Variants in BICRAL observed in about 807,000 individuals in gnomAD.
BICRAL encodes BRD4-interacting chromatin-remodeling complex-associated protein-like.
A neutral mutation model predicts 91.8 loss-of-function variants in BICRAL; 8 were observed. That is an observed-to-expected ratio of 0.09 (90% CI 0.05 to 0.16). The LOEUF is 0.16. Ranked by LOEUF, BICRAL falls within the 10% of genes least tolerant of loss-of-function variation. BICRAL has a pLI of 1.00. For missense variants in BICRAL, 1,038 were observed against 1,310.9 expected (o/e 0.79, Z 3.21); for synonymous variants, 445 against 491.1 (o/e 0.91, Z 1.24).
intron 1 of BICRAL, among the ~76,000 whole-genome samples, chr6:42,786,533 GA>G: frequency 6.6e-6 from 1 of 152,274 alleles, no homozygotes; most frequent in Admixed American, 6.5e-5. Context: ...AACCTTGTTG[GA>G]ATTTTAAGAC....
chr6:42,828,759 T>C lies in BICRAL; in HGVS notation c.426T>C (p.His142=). 1 of 1,614,222 alleles carries C rather than the reference T, an allele frequency of 6.2e-7. No homozygotes were observed. Among genetic ancestry groups the C allele is most frequent in the South Asian group, 1.1e-5 (1 of 91,092 alleles). The change falls in exon 6 of 13, where the codon CAT becomes CAC. Residue 142 remains histidine, a synonymous_variant. Coordinates refer to ENST00000314073, the MANE Select transcript of BICRAL (RefSeq NM_001393499.1). ...AACAGTTTGCACAAGCTCAGCTTCA[T>C]CCTTCTTCATCAGCATCCTTTACTC... ...SSQQFAQAQL[H]PSSSASFTQA...
intron 2 of BICRAL, among the ~76,000 whole-genome samples, chr6:42,820,756 C>T (rs41274878): frequency 0.011 from 1,633 of 152,262 alleles, 16 homozygotes; most frequent in Non-Finnish European, 0.018. Context: ...CATCATTTCT[C>T]CTCTCCACTG....
At chr6:42,804,056 C>T (rs549054740) in intron 1 of BICRAL, among the ~76,000 whole-genome samples, 1 of 152,154 alleles carries the variant, frequency 6.6e-6, no homozygotes, top group Non-Finnish European at 1.5e-5. Flanking sequence ...GAGTTTCGCT[C>T]TTGTTGCCCA....
In BICRAL at chr6:42,770,417, T is replaced by A. The variant is rs527600470; in HGVS notation, c.-260-11422T>A. On this transcript the variant is annotated intron_variant, in intron 1 of 14. Coordinates refer to the BICRAL transcript ENST00000614467. ...CTAATTTTATTATTATTATTATTTT[T>A]TTTTTTTTTTTTTTGAGACGGAGCC... is the stretch of plus-strand genomic sequence containing the variant. 7.9e-3 allele frequency among the ~76,000 whole-genome samples: 1,112 copies of A among 140,588 alleles called. 5 individuals carry two copies. The highest frequency in any genetic ancestry group is 0.012 in the Non-Finnish European group (783 of 64,882). The allele number at this position is 140,588 out of a possible 152,430, so 92.2% of individuals were successfully genotyped here. A position where few individuals can be genotyped will look rare whatever the true frequency, so the allele number is the denominator to read the frequency against.
At chr6:42,781,688 A>C (rs1268962799), upstream of BICRAL, among the ~76,000 whole-genome samples, 1 of 151,372 alleles carries the variant, frequency 6.6e-6, no homozygotes, top group African/African-American at 2.4e-5. Flanking sequence ...TTAAAGCCAA[A>C]TAAAACTGTT....
intron 5 of BICRAL, among the ~76,000 whole-genome samples, chr6:42,824,941 G>C (rs1387682221): frequency 6.6e-6 from 1 of 152,092 alleles, no homozygotes; most frequent in Non-Finnish European, 1.5e-5. Flanking sequence ...AGCATAGTGA[G>C]ACCCCATCTC....
rs1764191440 is a variant in BICRAL at position 42,823,103 on chromosome 6, C to G, written c.159+100C>G. 7.1e-6 allele frequency: 5 copies of G among 704,062 alleles called. No homozygotes were observed. The Admixed American group carries it at 1.2e-4, about 17-fold the overall frequency. The allele number at this position is 704,062 out of a possible 1,614,324, so 43.6% of individuals were successfully genotyped here. On this transcript the variant is annotated intron_variant, in intron 5 of 12. Coordinates refer to ENST00000314073, the MANE Select transcript of BICRAL (RefSeq NM_001393499.1). ...TGCCTTTGTATCATGAGAATCCTTA[C>G]CTTGTCTGTTGTAATTAATTTAATT...
At position 42,822,643 on chromosome 6, in the gene BICRAL, TA is replaced by T. The variant is rs751427347; in HGVS notation, c.42-140del. On this transcript the variant is annotated intron_variant, in intron 3 of 12. Transcript: ENST00000314073. ...CACAACATCAAAACAAAAACAAGAT[TA>T]AAAAAAAAAAAACCTACTAATAGTT... 1.9e-3 allele frequency among the ~76,000 whole-genome samples: 266 copies of T among 140,080 alleles called. 1 individual carries two copies. The highest frequency in any genetic ancestry group is 0.011 in the Middle Eastern group (3 of 274). The allele number at this position is 140,080 out of a possible 152,430, so 91.9% of individuals were successfully genotyped here. A position where few individuals can be genotyped will look rare whatever the true frequency, so the allele number is the denominator to read the frequency against.
intron 1 of BICRAL, among the ~76,000 whole-genome samples, chr6:42,761,101 C>T (rs531075828): frequency 1.3e-5 from 2 of 152,204 alleles, no homozygotes; most frequent in African/African-American, 4.8e-5. Context: ...TGTTCTCTCA[C>T]GTCTCTTCCT....
intron 1 of BICRAL, among the ~76,000 whole-genome samples, chr6:42,792,014 T>C (rs536116224): frequency 1.3e-4 from 20 of 152,228 alleles, no homozygotes; most frequent in Middle Eastern, 3.4e-3. Flanking sequence ...TATCAACATA[T>C]CTAAACATGG....
At chr6:42,805,394 T>C (rs1763676996) in intron 1 of BICRAL, among the ~76,000 whole-genome samples, 1 of 152,146 alleles carries the variant, frequency 6.6e-6, no homozygotes, top group South Asian at 2.1e-4. Context: ...AGTCTTTGTT[T>C]TCCACTTTAG....
rs148126025 is a variant in BICRAL at position 42,801,005 on chromosome 6, C to T, written c.-101-9301C>T. ...CAGTGACTCATGCCTGTAATCCCAG[C>T]ACTTTGGGAGGCCCAGGTGGGCAGA... On this transcript the variant is annotated intron_variant, in intron 1 of 12. Coordinates refer to ENST00000314073, the MANE Select transcript of BICRAL (RefSeq NM_001393499.1). Among the ~76,000 whole-genome samples, 869 of 152,186 alleles carry T rather than the reference C, an allele frequency of 5.7e-3. 6 individuals are homozygous for T. The highest frequency in any genetic ancestry group is 0.018 in the African/African-American group (757 of 41,520).
In BICRAL at chr6:42,807,515, A is replaced by AT. The variant is rs566743554; in HGVS notation, c.-101-2782dup. ...TATTTTGAAGCAAATCTCAGATGTC[A>AT]TTTTTTTTTCATTCATACCTATTTC... On this transcript the variant is annotated intron_variant, in intron 1 of 12. Transcript: ENST00000314073. Among the ~76,000 whole-genome samples the AT allele has an allele frequency of 6.0e-5, 9 of 150,160 alleles. No individual in the cohort carries two copies. The East Asian group carries it at 1.2e-3, about 20-fold the overall frequency.
intron 6 of BICRAL, among the ~76,000 whole-genome samples, chr6:42,843,797 CTTCT>C (rs1282407880): frequency 5.3e-5 from 6 of 112,618 alleles, no homozygotes; most frequent in South Asian, 3.2e-4. Context: ...ATATAAATTT[CTTCT>C]TTTTTTTTTT....
chr6:42,854,505 TTTG>T (rs1218854634), intron 8 of BICRAL, among the ~76,000 whole-genome samples: 1 of 151,450 alleles, frequency 6.6e-6, no homozygotes, highest in African/African-American at 2.4e-5. Context: ...GGTTTTTTGT[TTTG>T]TTTTTGTTTT....
At chr6:42,823,786 A>G (rs981873199) in intron 5 of BICRAL, among the ~76,000 whole-genome samples, 6 of 152,032 alleles carry the variant, frequency 3.9e-5, no homozygotes, top group African/African-American at 1.4e-4. Context: ...ATTGCCAGGC[A>G]TGGTGGTAGG....
chr6:42,794,169 C>T (rs554636245), intron 1 of BICRAL, among the ~76,000 whole-genome samples: 2 of 151,990 alleles, frequency 1.3e-5, no homozygotes, highest in East Asian at 1.9e-4. Flanking sequence ...CATGAGCCAC[C>T]GCTCCTAGCT....
intron 6 of BICRAL, among the ~76,000 whole-genome samples, chr6:42,842,041 A>T (rs917176882): frequency 3.3e-5 from 5 of 152,174 alleles, no homozygotes; most frequent in Non-Finnish European, 5.9e-5. Flanking sequence ...TTTCTGAGCT[A>T]AGCTTGTATC....
chr6:42,829,086 A>C lies in BICRAL; in HGVS notation c.753A>C (p.Gly251=), dbSNP rs778211585. Residue 251 remains glycine, a synonymous_variant, in exon 6 of 13, where the codon GGA becomes GGC. Transcript: ENST00000314073. ...SGQQAPSNVS[G]GLLVHRQTPN... ...AGCAAGCCCCATCAAATGTGAGTGG[A>C]GGGCTCCTGGTTCATAGACAGACTC... 1 of 1,614,146 alleles carries C rather than the reference A, an allele frequency of 6.2e-7. No homozygotes were observed. Among genetic ancestry groups the C allele is most frequent in the Admixed American group, 1.7e-5 (1 of 60,010 alleles).
Sources: gnomAD v4.1 joint callset for allele counts (sites outside exome capture counted in the v4.1 genomes callset) on GRCh38, gnomAD v4.1.1 for gene constraint, MANE v1.5 for transcripts, NCBI Gene and HGNC (gene_info 2026-07-23, HGNC 2026-07-21) for gene names.